Variants in SLC35F3 observed in about 807,000 individuals in gnomAD.
SLC35F3 encodes the protein solute carrier family 35 member F3.
SLC35F3 carries 25 observed loss-of-function variants against 49.9 expected under a neutral mutation model. The ratio of observed to expected loss-of-function variants is 0.50; its 90% CI spans 0.37 to 0.70. The LOEUF (loss-of-function observed/expected upper bound fraction) is 0.70, where lower values mean the gene tolerates loss of function less well. SLC35F3 is among the 30% of genes least tolerant of loss of function. The pLI is 0.00. For synonymous variants in SLC35F3, 275 were observed against 265.4 expected, an observed-to-expected ratio of 1.04 and a Z score of -0.35; for missense variants, 525 against 639.8, an observed-to-expected ratio of 0.82 and a Z score of 1.94.
At chr1:234,266,914 TGTTTCTCGCAGAGGG>T (rs1183436892) in intron 3 of SLC35F3, among the ~76,000 whole-genome samples, 16 of 104,662 alleles carry the variant, frequency 1.5e-4, no homozygotes, top group East Asian at 6.2e-4. Flanking sequence ...CATTCTTGGG[TGTTTCTCGCAGAGGG>T]GGATTTGGCA....
chr1:234,067,728 C>A (rs1298726068), intron 2 of SLC35F3, among the ~76,000 whole-genome samples: 2 of 152,220 alleles, frequency 1.3e-5, no homozygotes, highest in East Asian at 3.8e-4. Context: ...CTAGCCCGAG[C>A]TGAGCCTCCA....
chr1:233,988,953 A>C (rs1481185376), intron 2 of SLC35F3, among the ~76,000 whole-genome samples: 1 of 152,236 alleles, frequency 6.6e-6, no homozygotes, highest in East Asian at 1.9e-4. Flanking sequence ...AAGAATGGAC[A>C]GATGATCCAC....
intron 3 of SLC35F3, among the ~76,000 whole-genome samples, chr1:234,299,804 C>CAA (rs36039526): frequency 0.22 from 18,185 of 83,998 alleles, 2,313 homozygotes; most frequent in Middle Eastern, 0.31. Flanking sequence ...GACTCCATCT[C>CAA]AAAAAAAAAA....
At chr1:234,054,284 G>A (rs1664423912) in intron 2 of SLC35F3, among the ~76,000 whole-genome samples, 3 of 152,198 alleles carry the variant, frequency 2.0e-5, no homozygotes, top group Admixed American at 2.0e-4. Context: ...ACACCATTCA[G>A]ACGTAGATTT....
intron 2 of SLC35F3, among the ~76,000 whole-genome samples, chr1:233,955,567 G>A (rs1369181330): frequency 6.6e-6 from 1 of 151,984 alleles, no homozygotes; most frequent in Non-Finnish European, 1.5e-5. Context: ...GTGTGAAGTG[G>A]GTGATATTAT....
chr1:233,943,188 T>G (rs1427518357), intron 2 of SLC35F3, among the ~76,000 whole-genome samples: 2 of 152,226 alleles, frequency 1.3e-5, no homozygotes, highest in Non-Finnish European at 2.9e-5. Flanking sequence ...CTCTGTGACA[T>G]TCATTTCCTA....
At chr1:233,978,120 G>A (rs1314484628) in intron 2 of SLC35F3, among the ~76,000 whole-genome samples, 2 of 152,176 alleles carry the variant, frequency 1.3e-5, no homozygotes, top group Admixed American at 6.5e-5. Flanking sequence ...GAGGTTGCTG[G>A]AGGCTAGCAG....
At chr1:233,908,536 C>CTTTTTTTT (rs898041195) in intron 2 of SLC35F3, among the ~76,000 whole-genome samples, 3 of 84,880 alleles carry the variant, frequency 3.5e-5, no homozygotes, top group Non-Finnish European at 6.9e-5. Context: ...GTAAAGGATT[C>CTTTTTTTT]TTTTTTTTTT....
At chr1:234,068,820 A>G in intron 2 of SLC35F3, among the ~76,000 whole-genome samples, 1 of 27,188 alleles carries the variant, frequency 3.7e-5, no homozygotes, top group African/African-American at 1.7e-4. Flanking sequence ...AAGATTTGAG[A>G]CATTATATAT....
At chr1:234,142,580 A>G (rs1352523946) in intron 2 of SLC35F3, among the ~76,000 whole-genome samples, 2 of 145,564 alleles carry the variant, frequency 1.4e-5, no homozygotes, top group African/African-American at 2.8e-5. Context: ...TTTACTGCCC[A>G]GGGGCATTTG....
In SLC35F3 at chr1:233,962,120, A is replaced by G. The variant is rs80337772; in HGVS notation, c.283+56362A>G. Among the ~76,000 whole-genome samples the G allele has an allele frequency of 7.1e-4, 108 of 152,324 alleles. 1 individual carries two copies. The East Asian group carries it at 0.02, about 29-fold the overall frequency. On this transcript the variant is annotated intron_variant, in intron 2 of 7. Transcript: ENST00000366618. ...TATAGATCAAAAATTAAAACCATACATATTTCCACCACACCAAAAACTATT... is the reference window on the plus strand; with the variant it reads ...TATAGATCAAAAATTAAAACCATACGTATTTCCACCACACCAAAAACTATT...
chr1:234,177,729 G>C (rs1034193768), intron 2 of SLC35F3, among the ~76,000 whole-genome samples: 5 of 152,184 alleles, frequency 3.3e-5, no homozygotes, highest in African/African-American at 1.2e-4. Flanking sequence ...CAGGTGAGTT[G>C]CTGAACTCAG....
chr1:234,002,124 T>C (rs1342713444), intron 2 of SLC35F3, among the ~76,000 whole-genome samples: 1 of 152,198 alleles, frequency 6.6e-6, no homozygotes, highest in African/African-American at 2.4e-5. Flanking sequence ...GTAAGTGTTT[T>C]CATTTTATGA....
intron 2 of SLC35F3, among the ~76,000 whole-genome samples, chr1:234,172,005 A>G (rs566304149): frequency 6.6e-6 from 1 of 151,416 alleles, no homozygotes; most frequent in South Asian, 2.1e-4. Flanking sequence ...GTTTCTACCC[A>G]GTGAAAAGTG....
chr1:234,268,381 G>A (rs934525231), intron 3 of SLC35F3, among the ~76,000 whole-genome samples: 55 of 152,216 alleles, frequency 3.6e-4, no homozygotes, highest in African/African-American at 1.2e-3. Context: ...CAGGGAGGTT[G>A]CAGTGAGCCG....
chr1:234,203,586 C>T (rs1666930381), intron 2 of SLC35F3, among the ~76,000 whole-genome samples: 1 of 152,128 alleles, frequency 6.6e-6, no homozygotes, highest in South Asian at 2.1e-4. Flanking sequence ...TGGCATGTGC[C>T]TGTAATCCGA....
At chr1:234,283,029 A>G (rs1375901686) in intron 3 of SLC35F3, among the ~76,000 whole-genome samples, 1 of 152,232 alleles carries the variant, frequency 6.6e-6, no homozygotes, top group Non-Finnish European at 1.5e-5. Context: ...TAAAAGAAAT[A>G]AAGAAAAATG....
At chr1:234,072,735 A>C (rs1305219478) in intron 2 of SLC35F3, among the ~76,000 whole-genome samples, 3 of 152,174 alleles carry the variant, frequency 2.0e-5, no homozygotes, top group Non-Finnish European at 4.4e-5. Context: ...GAACAGGAGG[A>C]AGCCAAAATG....
intron 3 of SLC35F3, chr1:234,274,409 C>A (rs1421791142): frequency 6.6e-6 from 1 of 152,234 alleles, no homozygotes; most frequent in Non-Finnish European, 1.5e-5. Context: ...AAGACATGGT[C>A]TGGTATTTCC....
Sources: allele counts gnomAD v4.1 joint callset (sites outside exome capture counted in the v4.1 genomes callset), GRCh38; gene constraint gnomAD v4.1.1; transcripts MANE v1.5; gene names NCBI Gene and HGNC (gene_info 2026-07-23, HGNC 2026-07-21).